MED12L: variants seen among roughly 807,000 people sequenced by gnomAD.
MED12L encodes the protein mediator complex subunit 12L, also known as mediator of RNA polymerase II transcription subunit 12-like protein.
Under a neutral mutation model 281.3 loss-of-function variants are expected in MED12L, and 60 were observed. That is an observed-to-expected ratio of 0.21 (90% confidence interval 0.17 to 0.26). The LOEUF is 0.26. Ranked by LOEUF, MED12L falls within the 10% of genes least tolerant of loss-of-function variation. The pLI, the probability that MED12L is intolerant of heterozygous loss-of-function variation, is 1.00. For synonymous variants in MED12L, 974 were observed against 987.2 expected (o/e 0.99, Z 0.25); for missense variants, 2,146 against 2,680.9 (o/e 0.80, Z 4.41).
chr3:151,191,664 T>G (rs1012370167), intron 14 of MED12L, among the ~76,000 whole-genome samples: 4 of 152,122 alleles, frequency 2.6e-5, no homozygotes, highest in African/African-American at 9.7e-5. Flanking sequence ...CCCAGCACTT[T>G]GGGAGACTGA....
chr3:151,284,873 G>T (rs1271131399), intron 16 of MED12L, among the ~76,000 whole-genome samples: 2 of 152,110 alleles, frequency 1.3e-5, no homozygotes, highest in East Asian at 1.9e-4. Context: ...CTCCCAAAGT[G>T]CTGGGATTAC....
At chr3:151,233,182 A>G (rs976964969) in intron 16 of MED12L, among the ~76,000 whole-genome samples, 1 of 152,112 alleles carries the variant, frequency 6.6e-6, no homozygotes, top group East Asian at 1.9e-4. Flanking sequence ...CTGGATGTTG[A>G]CGAGCCCGGC....
chr3:151,319,273 A>G (rs66524723), intron 16 of MED12L, among the ~76,000 whole-genome samples: 40,745 of 151,858 alleles, frequency 0.27, 5,788 homozygotes, highest in Non-Finnish European at 0.31. Context: ...AACCAGCATA[A>G]TTTTTTTCCT....
chr3:151,105,253 T>G (rs1721867120), intron 2 of MED12L, among the ~76,000 whole-genome samples: 1 of 152,286 alleles, frequency 6.6e-6, no homozygotes, highest in South Asian at 2.1e-4. Flanking sequence ...CTTCATCGCC[T>G]TCTTCCTTGT....
At chr3:151,423,406 A>G (rs1045516996) in intron 43 of MED12L, among the ~76,000 whole-genome samples, 1 of 152,168 alleles carries the variant, frequency 6.6e-6, no homozygotes, top group Non-Finnish European at 1.5e-5. Context: ...CTTCTTTAAA[A>G]CGTGTCACCA....
In MED12L at chr3:151,435,319, C is replaced by T. The variant is rs1489690908; in HGVS notation, c.*2515C>T. The T allele has an allele frequency of 6.7e-6, 1 of 150,290 alleles. No individual in the cohort carries two copies. Among genetic ancestry groups the T allele is most frequent in the Admixed American group, 6.7e-5 (1 of 14,928 alleles). 9.3% of individuals were successfully genotyped at this position (150,290 alleles called of 1,614,324 possible). On this transcript the variant is annotated 3_prime_UTR_variant, in exon 45 of 45. Coordinates refer to ENST00000687756, the MANE Select transcript of MED12L (RefSeq NM_001393769.1). ...CTCTTGTTTACACTGTAGGCTTTTT[C>T]TTAATAGGGTTGCATTTGTCAGTCA...
intron 2 of MED12L, among the ~76,000 whole-genome samples, chr3:151,099,052 T>C (rs558502887): frequency 6.6e-6 from 1 of 152,206 alleles, no homozygotes; most frequent in Admixed American, 6.5e-5. Context: ...GAGAAAGATA[T>C]GGGGGAAACT....
chr3:151,193,290 G>A (rs1173748794), intron 15 of MED12L, among the ~76,000 whole-genome samples, 200 bp from the exon 16 acceptor site: 2 of 152,150 alleles, frequency 1.3e-5, no homozygotes, highest in Non-Finnish European at 2.9e-5. Flanking sequence ...CTACAAAATG[G>A]AGGGTGATGC....
At chr3:151,376,283 C>T in intron 28 of MED12L, 69 bp downstream of exon 28, 1 of 1,203,734 alleles carries the variant, frequency 8.3e-7, no homozygotes, top group South Asian at 2.6e-5. Flanking sequence ...GAGTTACTTC[C>T]TCTCTTTTTT....
At chr3:151,187,233 A>G (rs1402440640) in intron 12 of MED12L, among the ~76,000 whole-genome samples, 1 of 152,226 alleles carries the variant, frequency 6.6e-6, no homozygotes, top group Non-Finnish European at 1.5e-5. Context: ...ATTGCAGTCC[A>G]TAAACTTCAG....
At chr3:151,311,321 CTG>C (rs565716901) in intron 16 of MED12L, among the ~76,000 whole-genome samples, 78 of 150,834 alleles carry the variant, frequency 5.2e-4, no homozygotes, top group African/African-American at 1.7e-3. Context: ...TATATATAAA[CTG>C]TGTGTGTGTG....
intron 23 of MED12L, among the ~76,000 whole-genome samples, chr3:151,366,360 A>G (rs544167540): frequency 6.6e-6 from 1 of 152,296 alleles, no homozygotes; most frequent in African/African-American, 2.4e-5. Flanking sequence ...AGCAGTTCAC[A>G]TTCTGAAGAA....
At chr3:151,169,449 C>T (rs1003056358) in intron 11 of MED12L, among the ~76,000 whole-genome samples, 3 of 152,026 alleles carry the variant, frequency 2.0e-5, no homozygotes, top group Admixed American at 6.5e-5. Flanking sequence ...AGTCACTTTG[C>T]GTATTTCTGG....
At chr3:151,117,038 C>T (rs568505571) in intron 3 of MED12L, among the ~76,000 whole-genome samples, 1 of 152,156 alleles carries the variant, frequency 6.6e-6, no homozygotes, top group Admixed American at 6.5e-5. Flanking sequence ...GTTGATGACT[C>T]CTGCTGAATG....
At chr3:151,336,882 C>T (rs966250660) in intron 16 of MED12L, 8 of 175,212 alleles carry the variant, frequency 4.6e-5, no homozygotes, top group Non-Finnish European at 7.3e-5. Flanking sequence ...ATTTTATACA[C>T]ACCAATACAA....
At chr3:151,206,387 A>G (rs941011683) in intron 16 of MED12L, among the ~76,000 whole-genome samples, 4 of 151,834 alleles carry the variant, frequency 2.6e-5, no homozygotes, top group African/African-American at 9.7e-5. Context: ...TTACCCTGTC[A>G]TTTCCCCTTG....
chr3:151,385,215 T>C (rs1252456090), intron 36 of MED12L, 24 bp downstream of exon 36: 5 of 1,088,724 alleles, frequency 4.6e-6, no homozygotes, highest in Non-Finnish European at 6.7e-6. Flanking sequence ...TTTTTTCTTA[T>C]ATATAAATTT....
chr3:151,176,576 G>A (rs1417872384), intron 11 of MED12L, among the ~76,000 whole-genome samples: 1 of 144,132 alleles, frequency 6.9e-6, no homozygotes, highest in African/African-American at 2.6e-5. Context: ...TTCTGGTCAT[G>A]GTGCTCCACT....
At chr3:151,097,549 T>G (rs1001739155) in intron 2 of MED12L, among the ~76,000 whole-genome samples, 15 of 152,182 alleles carry the variant, frequency 9.9e-5, no homozygotes, top group African/African-American at 3.6e-4. Context: ...CATATGAGAA[T>G]CCACAAATGC....
Sources: gnomAD v4.1 joint callset for allele counts (sites outside exome capture counted in the v4.1 genomes callset) on GRCh38, gnomAD v4.1.1 for gene constraint, MANE v1.5 for transcripts, NCBI Gene and HGNC (gene_info 2026-07-23, HGNC 2026-07-21) for gene names.